Variants in CTNNA2 observed in about 807,000 individuals in gnomAD.
CTNNA2 encodes catenin alpha-2.
A neutral mutation model predicts 101.0 loss-of-function variants in CTNNA2; 42 were observed. The ratio of observed to expected loss-of-function variants is 0.42; its 90% CI spans 0.32 to 0.54. The LOEUF is 0.54. CTNNA2 is among the 20% of genes least tolerant of loss of function. The probability of loss-of-function intolerance (pLI) is 0.14; values close to 1 mark genes in which losing one functional copy is unlikely to be tolerated. For missense variants in CTNNA2, 871 were observed against 1,223.1 expected (o/e 0.71, Z 4.29); for synonymous variants, 450 against 456.4 (o/e 0.99, Z 0.18).
At chr2:80,590,401 T>C (rs1696368976) in intron 15 of CTNNA2, among the ~76,000 whole-genome samples, 1 of 152,146 alleles carries the variant, frequency 6.6e-6, no homozygotes, top group Non-Finnish European at 1.5e-5. Context: ...AATTATGCTG[T>C]TATACAGATA....
At chr2:79,553,998 G>A (rs1458204471) in intron 1 of CTNNA2, among the ~76,000 whole-genome samples, 1 of 152,182 alleles carries the variant, frequency 6.6e-6, no homozygotes, top group Non-Finnish European at 1.5e-5. Flanking sequence ...GACATAGTGA[G>A]TTTGGGTCCC....
intron 7 of CTNNA2, chr2:80,298,601 T>G (rs1675968604): frequency 6.6e-6 from 1 of 152,238 alleles, no homozygotes; most frequent in African/African-American, 2.4e-5. Flanking sequence ...GAATAACAAG[T>G]GGCATTTGCC....
chr2:80,464,228 T>C (rs1444544), intron 9 of CTNNA2, among the ~76,000 whole-genome samples: 63,544 of 152,002 alleles, frequency 0.42, 15,072 homozygotes, highest in East Asian at 0.75. Flanking sequence ...AAGAAAGAAC[T>C]GTCTTCAATA....
intron 7 of CTNNA2, among the ~76,000 whole-genome samples, chr2:80,176,032 A>G (rs1299198882): frequency 6.6e-6 from 1 of 152,254 alleles, no homozygotes; most frequent in East Asian, 1.9e-4. Context: ...TGCCTCTCCT[A>G]ATCCACTGAC....
At chr2:80,313,408 T>G in intron 7 of CTNNA2, 1 of 1,431,332 alleles carries the variant, frequency 7.0e-7, no homozygotes, top group Non-Finnish European at 9.2e-7. Context: ...ATGTGGTGCC[T>G]ACCCTGTGTG....
chr2:80,474,161 A>G (rs1199410088), intron 9 of CTNNA2, among the ~76,000 whole-genome samples: 2 of 152,250 alleles, frequency 1.3e-5, no homozygotes, highest in African/African-American at 2.4e-5. Flanking sequence ...TTTTAACAAC[A>G]GTAAAAAATA....
At chr2:79,240,671 A>G (rs575871545) in intron 2 of CTNNA2, among the ~76,000 whole-genome samples, 2 of 152,334 alleles carry the variant, frequency 1.3e-5, no homozygotes, top group African/African-American at 4.8e-5. Context: ...CATGAGGTAC[A>G]GACAATAAGT....
chr2:79,705,522 A>T (rs563757675), intron 2 of CTNNA2, among the ~76,000 whole-genome samples: 3 of 151,934 alleles, frequency 2.0e-5, no homozygotes, highest in South Asian at 2.1e-4. Context: ...TCTGGAACAT[A>T]TGTATGTATA....
intron 9 of CTNNA2, among the ~76,000 whole-genome samples, chr2:80,481,470 C>CA (rs1356560268): frequency 6.6e-6 from 1 of 152,076 alleles, no homozygotes; most frequent in African/African-American, 2.4e-5. Flanking sequence ...TAATACATGA[C>CA]AGGTATTATT....
chr2:79,999,617 C>A (rs760936611), intron 7 of CTNNA2, among the ~76,000 whole-genome samples: 6 of 152,176 alleles, frequency 3.9e-5, no homozygotes, highest in Non-Finnish European at 8.8e-5. Flanking sequence ...TGTAAACAAA[C>A]CTGTGCAGGG....
intron 9 of CTNNA2, among the ~76,000 whole-genome samples, chr2:80,436,708 G>C (rs1049236800): frequency 1.3e-5 from 2 of 152,126 alleles, no homozygotes; most frequent in Non-Finnish European, 2.9e-5. Context: ...CTTGCTCTCT[G>C]CTTCAAAGAT....
chr2:80,336,301 C>T (rs187822081), intron 7 of CTNNA2, among the ~76,000 whole-genome samples: 3 of 152,054 alleles, frequency 2.0e-5, no homozygotes, highest in East Asian at 1.9e-4. Context: ...TAATTCTACT[C>T]GTGAGGGCTC....
intron 4 of CTNNA2, among the ~76,000 whole-genome samples, chr2:79,393,193 A>G (rs1262618038): frequency 6.6e-6 from 1 of 152,176 alleles, no homozygotes; most frequent in African/African-American, 2.4e-5. Context: ...ATCCTTACTC[A>G]TGTGCATCAA....
chr2:79,468,334 C>T (rs903742274), intron 4 of CTNNA2, among the ~76,000 whole-genome samples: 9 of 152,214 alleles, frequency 5.9e-5, no homozygotes, highest in East Asian at 3.9e-4. Context: ...GCTAACTATC[C>T]GAAATATATA....
At chr2:79,918,289 G>T (rs1686405010) in intron 7 of CTNNA2, among the ~76,000 whole-genome samples, 1 of 152,130 alleles carries the variant, frequency 6.6e-6, no homozygotes, top group Admixed American at 6.6e-5. Context: ...GAAAAGAAAT[G>T]ACAAGAAAGT....
rs138125226 is a variant in CTNNA2 at position 79,490,365 on chromosome 2, A to C, written c.-134-14689A>C. On this transcript the variant is annotated intron_variant, in intron 4 of 21. Transcript: ENST00000466387. ...GGGGAGTGGGTCTCTGCTTCACCTC[A>C]GTAGCCATCTGTCATTGGATGCTGC... Among the ~76,000 whole-genome samples, 510 of 152,220 alleles carry C rather than the reference A, an allele frequency of 3.4e-3. 6 individuals carry two copies. Among genetic ancestry groups the C allele is most frequent in the African/African-American group, 0.011 (457 of 41,538 alleles).
chr2:80,042,227 A>G (rs984933431), intron 7 of CTNNA2, among the ~76,000 whole-genome samples: 3 of 152,108 alleles, frequency 2.0e-5, no homozygotes, highest in African/African-American at 7.2e-5. Flanking sequence ...GGCCTCCCAA[A>G]GTGCTGGGAT....
chr2:80,350,049 T>C (rs1673139236), intron 7 of CTNNA2, among the ~76,000 whole-genome samples: 1 of 152,174 alleles, frequency 6.6e-6, no homozygotes, highest in Non-Finnish European at 1.5e-5. Context: ...CAATGGAGTA[T>C]GAATGAATCT....
intron 7 of CTNNA2, among the ~76,000 whole-genome samples, chr2:80,287,012 GTAAAT>G (rs1246952278): frequency 1.3e-5 from 2 of 152,172 alleles, no homozygotes; most frequent in Non-Finnish European, 2.9e-5. Flanking sequence ...TGGTACATAA[GTAAAT>G]TAATGATATG....
Sources: allele counts gnomAD v4.1 joint callset (sites outside exome capture counted in the v4.1 genomes callset), GRCh38; gene constraint gnomAD v4.1.1; transcripts MANE v1.5; gene names NCBI Gene and HGNC (gene_info 2026-07-23, HGNC 2026-07-21).